PPARGC1A: variants seen among roughly 807,000 people sequenced by gnomAD.
PPARGC1A encodes PPARG coactivator 1 alpha.
In PPARGC1A, 25 loss-of-function variants were observed where a neutral mutation model predicts 88.7. The ratio of observed to expected loss-of-function variants is 0.28; its 90% CI spans 0.21 to 0.39. The LOEUF is 0.39. Ranked by LOEUF, PPARGC1A falls within the 10% of genes least tolerant of loss-of-function variation. The probability of loss-of-function intolerance (pLI) is 1.00; values close to 1 mark genes in which losing one functional copy is unlikely to be tolerated. For synonymous variants in PPARGC1A, 363 were observed against 355.6 expected (o/e 1.02, Z -0.24); for missense variants, 880 against 968.7 (o/e 0.91, Z 1.22).
the PPARGC1A span, among the ~76,000 whole-genome samples, chr4:24,350,613 T>C: frequency 6.6e-6 from 1 of 152,174 alleles, no homozygotes; most frequent in African/African-American, 2.4e-5. Context: ...TTAGTAGTCA[T>C]ATCAACCCCA....
chr4:23,892,767 G>A (rs1162422438), upstream of PPARGC1A, among the ~76,000 whole-genome samples: 1 of 152,092 alleles, frequency 6.6e-6, no homozygotes, highest in Non-Finnish European at 1.5e-5. Flanking sequence ...AAACCTTACT[G>A]TGTGCACAGC....
the PPARGC1A span, among the ~76,000 whole-genome samples, chr4:24,171,454 CT>C: frequency 2.6e-5 from 4 of 152,070 alleles, no homozygotes; most frequent in African/African-American, 9.6e-5. Flanking sequence ...ACTCTATCTT[CT>C]TTCACTGCTT....
At chr4:23,880,411 T>C (rs1298987584) in intron 2 of PPARGC1A, among the ~76,000 whole-genome samples, 2 of 152,206 alleles carry the variant, frequency 1.3e-5, no homozygotes, top group African/African-American at 4.8e-5. Context: ...GCAACAAGTA[T>C]TTGTTGAGTT....
chr4:23,953,803 A>G, the PPARGC1A span, among the ~76,000 whole-genome samples: 1 of 152,158 alleles, frequency 6.6e-6, no homozygotes, highest in Non-Finnish European at 1.5e-5. Context: ...TAGAAACTCC[A>G]AGAGATATGT....
At chr4:24,066,305 C>A in the PPARGC1A span, among the ~76,000 whole-genome samples, 2 of 152,082 alleles carry the variant, frequency 1.3e-5, no homozygotes, top group Non-Finnish European at 2.9e-5. Flanking sequence ...CATTTGTTTT[C>A]TGTGATGGTG....
chr4:24,328,663 C>T, the PPARGC1A span, among the ~76,000 whole-genome samples: 2 of 152,308 alleles, frequency 1.3e-5, no homozygotes, highest in East Asian at 3.9e-4. Context: ...ACAGTGAAGG[C>T]CGTGTGTATT....
At chr4:23,807,554 A>G (rs889091331) in intron 10 of PPARGC1A, among the ~76,000 whole-genome samples, 1 of 152,244 alleles carries the variant, frequency 6.6e-6, no homozygotes, top group African/African-American at 2.4e-5. Flanking sequence ...AAGAGTATGC[A>G]TAACTACTTT....
the PPARGC1A span, among the ~76,000 whole-genome samples, chr4:24,056,435 A>G: frequency 6.6e-6 from 1 of 152,190 alleles, no homozygotes; most frequent in South Asian, 2.1e-4. Context: ...ATAAAGGAAG[A>G]ATGTCTTCTT....
At chr4:24,103,243 C>T in the PPARGC1A span, among the ~76,000 whole-genome samples, 1 of 152,100 alleles carries the variant, frequency 6.6e-6, no homozygotes, top group Non-Finnish European at 1.5e-5. Context: ...TTCCAGAGCC[C>T]TCTCCATTAG....
chr4:24,006,852 T>C, the PPARGC1A span, among the ~76,000 whole-genome samples: 3 of 152,202 alleles, frequency 2.0e-5, no homozygotes, highest in African/African-American at 7.2e-5. Context: ...AAATCTGGTA[T>C]GCAACAGCAC....
the PPARGC1A span, among the ~76,000 whole-genome samples, chr4:24,350,370 A>G: frequency 6.6e-6 from 1 of 152,232 alleles, no homozygotes. Context: ...CACTTACACA[A>G]ATAGCATCTG....
the PPARGC1A span, among the ~76,000 whole-genome samples, chr4:24,302,017 G>A: frequency 6.6e-6 from 1 of 152,108 alleles, no homozygotes; most frequent in Non-Finnish European, 1.5e-5. Flanking sequence ...TGCATGAGGG[G>A]CAGCCACCTC....
chr4:24,155,837 G>T, the PPARGC1A span, among the ~76,000 whole-genome samples: 1 of 152,088 alleles, frequency 6.6e-6, no homozygotes, highest in African/African-American at 2.4e-5. Flanking sequence ...TAATGAGTTG[G>T]TCACCCAAGT....
chr4:23,895,980 GTATA>G (rs5856800), intron 1 of PPARGC1A, among the ~76,000 whole-genome samples: 1,030 of 19,860 alleles, frequency 0.052, 11 homozygotes, highest in Non-Finnish European at 0.088. Context: ...GTGTGTGTGT[GTATA>G]TATATATACA....
At chr4:24,412,351 A>T in the PPARGC1A span, among the ~76,000 whole-genome samples, 2 of 152,272 alleles carry the variant, frequency 1.3e-5, no homozygotes, top group East Asian at 3.9e-4. Flanking sequence ...TTGTTCCACA[A>T]CCCATGAACT....
upstream of PPARGC1A, among the ~76,000 whole-genome samples, chr4:23,890,814 AT>A (rs1365674571): frequency 6.6e-6 from 1 of 151,918 alleles, no homozygotes; most frequent in Non-Finnish European, 1.5e-5. Context: ...AATTATTTCC[AT>A]TTCTCTCATA....
At chr4:24,170,777 C>A in the PPARGC1A span, among the ~76,000 whole-genome samples, 1 of 152,180 alleles carries the variant, frequency 6.6e-6, no homozygotes, top group African/African-American at 2.4e-5. Flanking sequence ...CATTTAACAC[C>A]TGATCCATCA....
chr4:23,985,668 A>C, the PPARGC1A span, among the ~76,000 whole-genome samples: 1 of 152,052 alleles, frequency 6.6e-6, no homozygotes. Flanking sequence ...GCAAAACAAA[A>C]CAAAAACAAA....
the PPARGC1A span, among the ~76,000 whole-genome samples, chr4:24,439,192 T>C: frequency 6.6e-6 from 1 of 152,140 alleles, no homozygotes; most frequent in Non-Finnish European, 1.5e-5. Context: ...TCCATCCTTC[T>C]CCTTCTTTAA....
Sources: gnomAD v4.1 joint callset for allele counts (sites outside exome capture counted in the v4.1 genomes callset) on GRCh38, gnomAD v4.1.1 for gene constraint, MANE v1.5 for transcripts, NCBI Gene and HGNC (gene_info 2026-07-23, HGNC 2026-07-21) for gene names.